The following SHISA6 variants were observed in gnomAD, a reference collection of about 807,000 sequenced individuals.
SHISA6 encodes shisa family member 6.
SHISA6 carries 22 observed loss-of-function variants against 47.9 expected under a neutral mutation model. That is an observed-to-expected ratio of 0.46 (90% CI 0.33 to 0.66). The LOEUF is 0.66. Among genes scored for constraint, SHISA6 ranks in the 30% least tolerant of loss-of-function variants. SHISA6 has a pLI of 0.02. For missense variants in SHISA6, 680 were observed against 764.6 expected (o/e 0.89, Z 1.30); for synonymous variants, 388 against 337.8 (o/e 1.15, Z -1.63).
At chr17:11,266,523 A>G (rs1042748630) in intron 2 of SHISA6, among the ~76,000 whole-genome samples, 9 of 152,192 alleles carry the variant, frequency 5.9e-5, no homozygotes, top group Non-Finnish European at 1.3e-4. Context: ...TATGTATGTG[A>G]TCTTGGGCAA....
Position 11,558,538 on chromosome 17 carries a change from A to C in SHISA6, c.*234A>C. On this transcript the variant is annotated 3_prime_UTR_variant, in exon 6 of 6. Transcript: ENST00000441885. ...CAATCGCTCTTGCTCCTCCAGAAGA[A>C]TCAGTGGGGAGTGAGGAGGGGGCTA... 4 of 569,076 alleles carry C rather than the reference A, an allele frequency of 7.0e-6. No individual in the cohort carries two copies. Among genetic ancestry groups the C allele is most frequent in the African/African-American group, 1.9e-5 (1 of 53,358 alleles). 35.3% of individuals were successfully genotyped at this position (569,076 alleles called of 1,614,324 possible). A position where few individuals can be genotyped will look rare whatever the true frequency, so the allele number is the denominator to read the frequency against.
chr17:11,417,224 G>A (rs1300897611), intron 3 of SHISA6, among the ~76,000 whole-genome samples: 1 of 152,068 alleles, frequency 6.6e-6, no homozygotes, highest in Non-Finnish European at 1.5e-5. Context: ...GGGAATATAA[G>A]TTTGACTGGG....
chr17:11,394,380 A>G (rs1013083884), intron 3 of SHISA6, among the ~76,000 whole-genome samples: 1 of 152,188 alleles, frequency 6.6e-6, no homozygotes, highest in East Asian at 1.9e-4. Flanking sequence ...ACTCCTGCAT[A>G]TGTGCTGAGA....
chr17:11,514,021 T>G (rs191118902), intron 3 of SHISA6, among the ~76,000 whole-genome samples: 5 of 152,094 alleles, frequency 3.3e-5, no homozygotes, highest in Non-Finnish European at 5.9e-5. Context: ...GTTTGAAACT[T>G]TGCTAGCAGC....
At chr17:11,343,579 G>A (rs1911605281) in intron 2 of SHISA6, among the ~76,000 whole-genome samples, 1 of 152,202 alleles carries the variant, frequency 6.6e-6, no homozygotes, top group Non-Finnish European at 1.5e-5. Flanking sequence ...CTGAACTGGG[G>A]GGCGTTGATC....
chr17:11,466,476 A>G (rs1348803770), intron 3 of SHISA6, among the ~76,000 whole-genome samples: 1 of 152,164 alleles, frequency 6.6e-6, no homozygotes. Context: ...CCCTTTTGCC[A>G]TGGAAGGTAA....
At chr17:11,516,896 GC>G (rs2071590270) in intron 3 of SHISA6, among the ~76,000 whole-genome samples, 1 of 152,164 alleles carries the variant, frequency 6.6e-6, no homozygotes, top group South Asian at 2.1e-4. Context: ...ACTTGCTGCA[GC>G]CAAGCCCAAC....
intron 3 of SHISA6, among the ~76,000 whole-genome samples, chr17:11,527,705 G>T (rs373147973): frequency 5.0e-4 from 76 of 152,148 alleles, no homozygotes; most frequent in African/African-American, 1.8e-3. Flanking sequence ...CACTTCACTC[G>T]TATATGTATC....
At chr17:11,370,729 A>G (rs937825154) in intron 2 of SHISA6, among the ~76,000 whole-genome samples, 3 of 152,186 alleles carry the variant, frequency 2.0e-5, no homozygotes, top group Admixed American at 6.5e-5. Flanking sequence ...TTCTGTTTCC[A>G]AGACTATCTG....
At chr17:11,548,430 A>G (rs1412044188) in intron 3 of SHISA6, among the ~76,000 whole-genome samples, 1 of 126,044 alleles carries the variant, frequency 7.9e-6, no homozygotes, top group Non-Finnish European at 1.6e-5. Context: ...TTATTTATGA[A>G]TGCATATTTC....
rs535015679 is a variant in SHISA6, at chr17:11,248,846, T to C, written c.638+6786T>C. ...TGAAACTGTGGGCAGAAATCTGTCA[T>C]TAAAAATTCAGGGCCAGGCACAGTG... On this transcript the variant is annotated intron_variant, in intron 1 of 5. Transcript: ENST00000441885. Among the ~76,000 whole-genome samples the C allele has an allele frequency of 2.5e-4, 38 of 152,140 alleles. No homozygotes were observed. In the South Asian group the frequency reaches 3.3e-3, roughly 13 times the overall value.
At chr17:11,501,270 G>A (rs151224248) in intron 3 of SHISA6, among the ~76,000 whole-genome samples, 3,457 of 151,972 alleles carry the variant, frequency 0.023, 131 homozygotes, top group African/African-American at 0.078. Flanking sequence ...CCGCCACCAC[G>A]CCCAGCTAAT....
chr17:11,536,199 T>G (rs925781366), intron 3 of SHISA6, among the ~76,000 whole-genome samples: 2 of 152,122 alleles, frequency 1.3e-5, no homozygotes, highest in African/African-American at 4.8e-5. Context: ...CACAGAAAAT[T>G]TCACTACTTA....
At chr17:11,497,511 A>G (rs533323006) in intron 3 of SHISA6, among the ~76,000 whole-genome samples, 1 of 152,278 alleles carries the variant, frequency 6.6e-6, no homozygotes, top group South Asian at 2.1e-4. Context: ...TGAGAATGAG[A>G]AAGGCCTCCC....
chr17:11,251,318 G>A (rs1907794800), intron 1 of SHISA6, among the ~76,000 whole-genome samples: 1 of 152,072 alleles, frequency 6.6e-6, no homozygotes, highest in South Asian at 2.1e-4. Context: ...AGATCCTCAG[G>A]GCAGTGAAAG....
At chr17:11,379,562 A>G (rs1000714317) in intron 3 of SHISA6, 53 bp downstream of exon 3, 8 of 1,270,676 alleles carry the variant, frequency 6.3e-6, no homozygotes, top group Non-Finnish European at 8.8e-6. Flanking sequence ...AGGGAACGCC[A>G]TCTGAAATGA....
intron 2 of SHISA6, among the ~76,000 whole-genome samples, chr17:11,293,062 T>A (rs1369049920): frequency 6.6e-6 from 1 of 152,044 alleles, no homozygotes; most frequent in Non-Finnish European, 1.5e-5. Flanking sequence ...CGACCTCAGG[T>A]GATCCAGCTG....
At chr17:11,265,593 AGTAGT>A (rs1311308707) in intron 2 of SHISA6, among the ~76,000 whole-genome samples, 1 of 152,118 alleles carries the variant, frequency 6.6e-6, no homozygotes, top group Non-Finnish European at 1.5e-5. Flanking sequence ...ACCACCTTTG[AGTAGT>A]GTATTTTGAT....
rs11360682 is a variant in SHISA6, at chr17:11,546,928, CA to C, written c.896-4957del. Among the ~76,000 whole-genome samples, 416 of 133,100 alleles carry C rather than the reference CA, an allele frequency of 3.1e-3. 1 individual carries two copies. Among genetic ancestry groups the C allele is most frequent in the African/African-American group, 1.0e-2 (360 of 36,026 alleles). 87.3% of individuals were successfully genotyped at this position (133,100 alleles called of 152,430 possible). A position where few individuals can be genotyped will look rare whatever the true frequency, so the allele number is the denominator to read the frequency against. On this transcript the variant is annotated intron_variant, in intron 3 of 5. Coordinates refer to ENST00000441885, the MANE Select transcript of SHISA6 (RefSeq NM_207386.4). ...TGGGCAATAGAGCAAGACTCCATCT[CA>C]AAAAAAAAAAGAAAAACAAAGGACA... is the stretch of plus-strand genomic sequence containing the variant.
Sources: allele counts gnomAD v4.1 joint callset (sites outside exome capture counted in the v4.1 genomes callset), GRCh38; gene constraint gnomAD v4.1.1; transcripts MANE v1.5; gene names NCBI Gene and HGNC (gene_info 2026-07-23, HGNC 2026-07-21).